C5: variants seen among roughly 807,000 people sequenced by gnomAD.
C5 encodes C3 and PZP-like alpha-2-macroglobulin domain-containing protein 4.
In C5, 140 loss-of-function variants were observed where a neutral mutation model predicts 218.8. The ratio of observed to expected loss-of-function variants is 0.64; its 90% CI spans 0.56 to 0.74. C5 has a LOEUF of 0.74. Among genes scored for constraint, C5 ranks in the 30% least tolerant of loss-of-function variants. C5 has a pLI of 0.00. For missense variants in C5, 1,700 were observed against 1,969.6 expected (o/e 0.86, Z 2.59); for synonymous variants, 614 against 682.3 (o/e 0.90, Z 1.56).
At chr9:121,006,204 T>G in intron 19 of C5, 146 bp from the exon 20 acceptor site, 1 of 710,172 alleles carries the variant, frequency 1.4e-6, no homozygotes, top group Non-Finnish European at 2.3e-6. Context: ...ACTCATGTCC[T>G]TGAATTTTCT....
At chr9:121,013,851 T>C in intron 17 of C5, 22 bp downstream of exon 17, 1 of 1,603,422 alleles carries the variant, frequency 6.2e-7, no homozygotes, top group Non-Finnish European at 8.5e-7. Context: ...AGCAGAATTC[T>C]GATAGAAAAT....
intron 3 of C5, among the ~76,000 whole-genome samples, chr9:121,041,445 C>T (rs933893566): frequency 4.0e-5 from 6 of 151,822 alleles, no homozygotes; most frequent in Non-Finnish European, 8.8e-5. Flanking sequence ...GCTGGGATTA[C>T]AGGCGCCTGC....
At chr9:121,032,801 A>G (rs1166300711) in intron 5 of C5, among the ~76,000 whole-genome samples, 1 of 152,166 alleles carries the variant, frequency 6.6e-6, no homozygotes, top group Non-Finnish European at 1.5e-5. Context: ...GGAGTTCGAG[A>G]CCAGCCCAGG....
chr9:121,049,098 T>A (rs1588003211), intron 1 of C5, among the ~76,000 whole-genome samples: 1 of 152,336 alleles, frequency 6.6e-6, no homozygotes, highest in East Asian at 1.9e-4. Context: ...TATGTTTAGA[T>A]GCTCAATAAA....
At position 120,953,744 on chromosome 9, in the gene C5, G is replaced by A. The variant is rs1354880575; in HGVS notation, c.4887C>T (p.Tyr1629=). The change falls in exon 40 of 41, where the codon TAC becomes TAT. Residue 1629 remains tyrosine (Y), a synonymous_variant. Transcript: ENST00000223642. The stretch of plus-strand genomic sequence containing the variant: ...TGGTGACTTACCTGAAACTGAAATT[G>A]TATTTTATCTGGAGGGCTTCTTTAC... ...IMGKEALQIK[Y]NFSFRYIYPL... is the part of the protein sequence containing the mutation. 1 of 1,614,032 alleles carries A rather than the reference G, an allele frequency of 6.2e-7. No homozygotes were observed. Among genetic ancestry groups the A allele is most frequent in the Non-Finnish European group, 8.5e-7 (1 of 1,179,938 alleles).
intron 11 of C5, among the ~76,000 whole-genome samples, chr9:121,020,490 G>A (rs944628415): frequency 3.3e-5 from 5 of 152,162 alleles, no homozygotes; most frequent in African/African-American, 4.8e-5. Flanking sequence ...ACTTCTCCTC[G>A]CATGGGATGA....
chr9:120,966,307 G>C (rs373895999), intron 33 of C5, among the ~76,000 whole-genome samples: 5 of 152,328 alleles, frequency 3.3e-5, no homozygotes. Flanking sequence ...TGACAATGAA[G>C]TCAAATGAAT....
In C5 at chr9:121,014,012, A is replaced by G. The variant is rs2047285628; in HGVS notation, c.2118T>C (p.Asn706=). Residue 706 remains asparagine, a synonymous_variant, in exon 17 of 41, where the codon AAT becomes AAC. Coordinates refer to ENST00000223642, the MANE Select transcript of C5 (RefSeq NM_001735.3). ...KKCCYDGACV[N]NDETCEQRAA... ...CTCGCTGCTCACAGGTTTCATCATTATTAACGCAGGCTCCATCGTAACAAC... is the reference window on the plus strand; with the variant it reads ...CTCGCTGCTCACAGGTTTCATCATTGTTAACGCAGGCTCCATCGTAACAAC... 1.2e-6 allele frequency: 2 copies of G among 1,614,090 alleles called. No individual in the cohort carries two copies. Among genetic ancestry groups the G allele is most frequent in the Middle Eastern group, 1.6e-4 (1 of 6,084 alleles).
chr9:120,994,150 GT>G (rs1213925440), intron 22 of C5, among the ~76,000 whole-genome samples: 2 of 151,996 alleles, frequency 1.3e-5, no homozygotes, highest in Non-Finnish European at 2.9e-5. Flanking sequence ...ACTATATACT[GT>G]TTGTTCTCCC....
chr9:121,051,910 AAGAG>A (rs1292456418), upstream of C5, among the ~76,000 whole-genome samples: 1 of 152,236 alleles, frequency 6.6e-6, no homozygotes, highest in Non-Finnish European at 1.5e-5. Context: ...AATGAAATTT[AAGAG>A]AGAACAACAA....
chr9:120,994,385 C>A (rs1363736711), intron 22 of C5, among the ~76,000 whole-genome samples: 1 of 152,064 alleles, frequency 6.6e-6, no homozygotes, highest in Non-Finnish European at 1.5e-5. Flanking sequence ...GAGTTCCAGA[C>A]CAGCCTTGCC....
chr9:120,962,567 AG>A lies in C5; in HGVS notation c.4504+103del, dbSNP rs1457510530. 11 of 878,948 alleles carry A rather than the reference AG, an allele frequency of 1.3e-5. No homozygotes were observed. The East Asian group carries it at 2.4e-4, about 19-fold the overall frequency. The allele number at this position is 878,948 out of a possible 1,614,324, so 54.4% of individuals were successfully genotyped here. A position where few individuals can be genotyped will look rare whatever the true frequency, so the allele number is the denominator to read the frequency against. ...GGACTTTCATGAAGAGTGGTCCCTA[AG>A]AGAGGCAATACATAAAATTTACAGG... On this transcript the variant is annotated intron_variant, in intron 36 of 40. Coordinates refer to ENST00000223642, the MANE Select transcript of C5 (RefSeq NM_001735.3).
At chr9:120,998,615 A>C (rs867414146) in intron 20 of C5, among the ~76,000 whole-genome samples, 5 of 152,318 alleles carry the variant, frequency 3.3e-5, no homozygotes, top group Middle Eastern at 3.4e-3. Flanking sequence ...CCCATTTTAC[A>C]ACCAAACTCT....
At position 121,016,352 on chromosome 9, in the gene C5, C is replaced by T. The variant is rs1392642858; in HGVS notation, c.1898G>A (p.Gly633Asp). Reference protein sequence around the residue: ...VFQFLEKSDLGCGAGGGLNNA... With the variant: ...VFQFLEKSDLDCGAGGGLNNA... ...GTTGAGGCCACCACCTGCCCCACAG[C>T]CCAGATCACTCTTCTCTAAGAATTG... Residue 633 changes from glycine (G) to aspartate (D), a missense_variant, in exon 15 of 41, where the codon GGC becomes GAC. Transcript: ENST00000223642. 6.2e-7 allele frequency: 1 copy of T among 1,614,058 alleles called. No homozygotes were observed. The highest frequency in any genetic ancestry group is 1.3e-5 in the African/African-American group (1 of 75,014).
At chr9:121,072,260 T>C in the C5 span, among the ~76,000 whole-genome samples, 3 of 152,220 alleles carry the variant, frequency 2.0e-5, no homozygotes, top group East Asian at 5.8e-4. Context: ...TTTTTATGTA[T>C]ATTTGATGGC....
rs541881615 is a variant in C5, at chr9:121,043,551, C to T, written c.259-385G>A. 4.6e-5 allele frequency among the ~76,000 whole-genome samples: 7 copies of T among 151,298 alleles called. 1 individual carries two copies. The highest frequency in any genetic ancestry group is 4.2e-4 in the South Asian group (2 of 4,786). ...GACCCTTAGCTTTTTTTTTTTGAGA[C>T]GGAGTCTCACTTACTCTGTTGCCCA... On this transcript the variant is annotated intron_variant, in intron 2 of 40. Coordinates refer to ENST00000223642, the MANE Select transcript of C5 (RefSeq NM_001735.3).
At chr9:121,064,339 C>G in the C5 span, among the ~76,000 whole-genome samples, 1 of 152,108 alleles carries the variant, frequency 6.6e-6, no homozygotes, top group Non-Finnish European at 1.5e-5. Context: ...CTTGTTATAG[C>G]TCCAGAAAAC....
intron 28 of C5, among the ~76,000 whole-genome samples, chr9:120,978,799 AG>A (rs2046970857): frequency 6.6e-6 from 1 of 152,216 alleles, no homozygotes; most frequent in South Asian, 2.1e-4. Context: ...AATATAAGCC[AG>A]GTCATGCACT....
Position 121,023,252 on chromosome 9 carries a change from T to C in C5, c.1116+152A>G, listed in dbSNP as rs915553027. On this transcript the variant is annotated intron_variant, in intron 10 of 40. Coordinates refer to ENST00000223642, the MANE Select transcript of C5 (RefSeq NM_001735.3). ...CAGCTGACCTTCAATTTCCCATCCCTGTCTGTGTCCACCAGGAGGGGCAGG... is the reference window on the plus strand; with the variant it reads ...CAGCTGACCTTCAATTTCCCATCCCCGTCTGTGTCCACCAGGAGGGGCAGG... The C allele has an allele frequency of 4.3e-6, 3 of 701,632 alleles. No homozygotes were observed. The Admixed American group carries it at 5.7e-5, about 13-fold the overall frequency. The allele number at this position is 701,632 out of a possible 1,614,324, so 43.5% of individuals were successfully genotyped here.
Sources: gnomAD v4.1 joint callset for allele counts (sites outside exome capture counted in the v4.1 genomes callset) on GRCh38, gnomAD v4.1.1 for gene constraint, MANE v1.5 for transcripts, NCBI Gene and HGNC (gene_info 2026-07-23, HGNC 2026-07-21) for gene names.